The following GPR39 variants were observed in gnomAD, a reference collection of about 807,000 sequenced individuals.
GPR39 encodes the protein zinc sensing receptor.
In GPR39, 23 loss-of-function variants were observed where a neutral mutation model predicts 18.4. The observed-to-expected ratio is 1.25, with a 90% CI of 0.90 to 1.77. The LOEUF is 1.77. GPR39 is among the 40% of genes most tolerant of loss of function. The pLI is 0.00. For synonymous variants in GPR39, 280 were observed against 257.9 expected (o/e 1.09, Z -0.82); for missense variants, 647 against 602.4 (o/e 1.07, Z -0.78).
intron 1 of GPR39, among the ~76,000 whole-genome samples, chr2:132,526,173 G>A (rs568065705): frequency 6.6e-6 from 1 of 152,300 alleles, no homozygotes. Flanking sequence ...ATATGTGTGT[G>A]TAATGACAGG....
chr2:132,471,501 A>G (rs1681030636), intron 1 of GPR39, among the ~76,000 whole-genome samples: 1 of 152,148 alleles, frequency 6.6e-6, no homozygotes, highest in Admixed American at 6.5e-5. Context: ...CAAATATTTC[A>G]TAGGGGTGGT....
chr2:132,425,995 A>T (rs1196235931), intron 1 of GPR39, among the ~76,000 whole-genome samples: 1 of 152,242 alleles, frequency 6.6e-6, no homozygotes, highest in East Asian at 1.9e-4. Context: ...TGTTATTTTA[A>T]GCCACTAAAT....
rs759232358 is a variant in GPR39 at position 132,645,310 on chromosome 2, G to T, written c.1066G>T (p.Val356Leu). The T allele has an allele frequency of 1.1e-5, 18 of 1,614,178 alleles. No individual in the cohort carries two copies. The highest frequency in any genetic ancestry group is 1.4e-5 in the Non-Finnish European group (16 of 1,180,028). Residue 356 changes from valine to leucine, a missense_variant, in exon 2 of 2, where the codon GTG (valine) becomes TTG (leucine). Transcript: ENST00000329321. ...CTCGCAGCAGTTTCGGCGGGTGTTC[G>T]TGCAGGTGCTGTGCTGCCGCCTGTC... ...VSSQQFRRVF[V>L]QVLCCRLSLQ...
intron 1 of GPR39, among the ~76,000 whole-genome samples, chr2:132,569,190 T>C (rs750540726): frequency 1.3e-5 from 2 of 151,938 alleles, no homozygotes; most frequent in African/African-American, 2.4e-5. Flanking sequence ...GAGCAAGAGG[T>C]GAAATAATTG....
chr2:132,491,497 A>G (rs1421926509), intron 1 of GPR39, among the ~76,000 whole-genome samples: 1 of 152,108 alleles, frequency 6.6e-6, no homozygotes, highest in Non-Finnish European at 1.5e-5. Context: ...TTCCTGGGAT[A>G]CAATAGAAGT....
chr2:132,450,985 A>G (rs1364001206), intron 1 of GPR39, among the ~76,000 whole-genome samples: 2 of 152,196 alleles, frequency 1.3e-5, no homozygotes, highest in Non-Finnish European at 2.9e-5. Flanking sequence ...AGCTATGTCC[A>G]GTGCTCAAAG....
intron 1 of GPR39, among the ~76,000 whole-genome samples, chr2:132,576,691 C>T (rs1481147744): frequency 6.6e-6 from 1 of 152,106 alleles, no homozygotes; most frequent in African/African-American, 2.4e-5. Context: ...GCCTAGCCCT[C>T]AGTCCTGAAC....
At chr2:132,585,118 C>T (rs1680701431) in intron 1 of GPR39, among the ~76,000 whole-genome samples, 1 of 152,148 alleles carries the variant, frequency 6.6e-6, no homozygotes, top group Admixed American at 6.5e-5. Flanking sequence ...TAGTAAGCCC[C>T]ACACTCCCTC....
chr2:132,592,191 G>A (rs59316981), intron 1 of GPR39, among the ~76,000 whole-genome samples: 9,662 of 152,224 alleles, frequency 0.063, 1,041 homozygotes, highest in African/African-American at 0.22. Flanking sequence ...CACGTATGTA[G>A]CATCCCAAAT....
intron 1 of GPR39, among the ~76,000 whole-genome samples, chr2:132,456,545 C>T (rs7583978): frequency 0.51 from 77,692 of 151,950 alleles, 21,359 homozygotes; most frequent in Non-Finnish European, 0.62. Context: ...TTATTTTGCC[C>T]GTTCATTGAT....
At chr2:132,604,294 A>T (rs1377427050) in intron 1 of GPR39, 2 of 151,688 alleles carry the variant, frequency 1.3e-5, no homozygotes, top group African/African-American at 4.8e-5. Flanking sequence ...AGAATGATTT[A>T]AAAAAAAAGA....
chr2:132,525,064 G>A (rs1223449511), intron 1 of GPR39, among the ~76,000 whole-genome samples: 1 of 152,050 alleles, frequency 6.6e-6, no homozygotes, highest in African/African-American at 2.4e-5. Flanking sequence ...AGCTGCCCCT[G>A]GAATTTGAGA....
chr2:132,602,880 A>AC (rs1553459517), intron 1 of GPR39, among the ~76,000 whole-genome samples: 2 of 151,542 alleles, frequency 1.3e-5, no homozygotes, highest in Admixed American at 6.6e-5. Context: ...AGAAAAAAAA[A>AC]AAAAACAAAT....
rs544180129 is a variant in GPR39 at position 132,490,965 on chromosome 2, C to T, written c.856+73067C>T. ...GCAAAGGCCACAAATACCAGGCCCG[C>T]GAGCTGAATTCATAACTGGGCACCA... On this transcript the variant is annotated intron_variant, in intron 1 of 1. Coordinates refer to ENST00000329321, the MANE Select transcript of GPR39 (RefSeq NM_001508.3). Among the ~76,000 whole-genome samples, 56 of 152,284 alleles carry T rather than the reference C, an allele frequency of 3.7e-4. 1 individual carries two copies. Among genetic ancestry groups the T allele is most frequent in the South Asian group, 2.7e-3 (13 of 4,830 alleles).
At chr2:132,575,281 TTCAC>T (rs1215117613) in intron 1 of GPR39, among the ~76,000 whole-genome samples, 2 of 152,236 alleles carry the variant, frequency 1.3e-5, no homozygotes, top group Non-Finnish European at 2.9e-5. Context: ...TAAAATATCT[TTCAC>T]TGTGCAGTCA....
chr2:132,568,156 C>T (rs926817708), intron 1 of GPR39, among the ~76,000 whole-genome samples: 1 of 152,066 alleles, frequency 6.6e-6, no homozygotes, highest in Non-Finnish European at 1.5e-5. Flanking sequence ...TTTCAACTCC[C>T]CTTGCCAGTG....
chr2:132,502,765 A>G (rs13017947), intron 1 of GPR39, among the ~76,000 whole-genome samples: 2 of 151,960 alleles, frequency 1.3e-5, no homozygotes, highest in Non-Finnish European at 2.9e-5. Flanking sequence ...TGTTCATTTT[A>G]AAAAATTCTT....
At chr2:132,571,374 A>G (rs1558843953) in intron 1 of GPR39, among the ~76,000 whole-genome samples, 1 of 152,214 alleles carries the variant, frequency 6.6e-6, no homozygotes, top group Non-Finnish European at 1.5e-5. Flanking sequence ...CATTCTGGTT[A>G]TAGTCAGATC....
chr2:132,502,699 C>T (rs1679066053), intron 1 of GPR39, among the ~76,000 whole-genome samples: 1 of 152,164 alleles, frequency 6.6e-6, no homozygotes, highest in South Asian at 2.1e-4. Context: ...TCTTTGGGAA[C>T]ACCAATTATT....
Sources: allele counts gnomAD v4.1 joint callset (sites outside exome capture counted in the v4.1 genomes callset), GRCh38; gene constraint gnomAD v4.1.1; transcripts MANE v1.5; gene names NCBI Gene and HGNC (gene_info 2026-07-23, HGNC 2026-07-21).